ZNF716: variants seen among roughly 807,000 people sequenced by gnomAD.
ZNF716 encodes the protein zinc finger protein 716.
Under a neutral mutation model 13.4 loss-of-function variants are expected in ZNF716, and 9 were observed. That is an observed-to-expected ratio of 0.67 (90% CI 0.41 to 1.18). The LOEUF is 1.18. Among genes scored for constraint, ZNF716 ranks in the 50% most tolerant of loss-of-function variants. The pLI, the probability that ZNF716 is intolerant of heterozygous loss-of-function variation, is 0.01. For missense variants in ZNF716, 581 were observed against 576.6 expected (o/e 1.01, Z -0.08); for synonymous variants, 186 against 195.2 (o/e 0.95, Z 0.39).
chr7:57,468,749 C>T lies in ZNF716; in HGVS notation c.288C>T (p.Asp96=). 1 of 1,611,366 alleles carries T rather than the reference C, an allele frequency of 6.2e-7. No individual in the cohort carries two copies. ...HPVTCSHFTQ[D]LQSEQGIKDS... is the part of the protein sequence containing the mutation. ...TTACATGTTCTCATTTCACCCAAGA[C>T]CTTCAGTCAGAGCAGGGCATAAAAG... is the stretch of plus-strand genomic sequence containing the variant. The change falls in exon 4 of 4, where the codon GAC becomes GAT. Residue 96 remains aspartate (D), a synonymous_variant. Transcript: ENST00000420713.
Position 57,472,377 on chromosome 7 carries a change from C to T in ZNF716, c.*2428C>T, listed in dbSNP as rs1562681291. 6.6e-6 allele frequency: 1 copy of T among 152,142 alleles called. No homozygotes were observed. The highest frequency in any genetic ancestry group is 2.4e-5 in the African/African-American group (1 of 41,420). 9.4% of individuals were successfully genotyped at this position (152,142 alleles called of 1,614,324 possible). Reference sequence around the variant, plus strand: ...AGCTGCCATTGACTCTATCGTGTCTCATCTTAAGGTTCTGCGTAAAAGATG... The same window carrying T: ...AGCTGCCATTGACTCTATCGTGTCTTATCTTAAGGTTCTGCGTAAAAGATG... On this transcript the variant is annotated 3_prime_UTR_variant, in exon 4 of 4. Coordinates refer to ENST00000420713, the MANE Select transcript of ZNF716 (RefSeq NM_001159279.1).
intron 1 of ZNF716, among the ~76,000 whole-genome samples, chr7:57,452,709 T>G (rs1789518901): frequency 6.6e-6 from 1 of 152,038 alleles, no homozygotes; most frequent in Non-Finnish European, 1.5e-5. Context: ...TGCCTCTTCT[T>G]TTGTCTTCTC....
Position 57,469,239 on chromosome 7 carries a change from A to G in ZNF716, c.778A>G (p.Lys260Glu). ...CTGGTCTGCATCCCTTACTAAACAT[A>G]AGAGAATTCATACTGGAGAGAAACC... ...FSWSASLTKHKRIHTGEKPYT... is the reference protein window; with the variant it reads ...FSWSASLTKHERIHTGEKPYT... Residue 260 changes from lysine (K) to glutamate (E), a missense_variant, in exon 4 of 4, where the codon AAG (lysine) becomes GAG (glutamate). Transcript: ENST00000420713. The G allele has an allele frequency of 6.2e-7, 1 of 1,612,726 alleles. No individual in the cohort carries two copies. Among genetic ancestry groups the G allele is most frequent in the Non-Finnish European group, 8.5e-7 (1 of 1,179,356 alleles).
chr7:57,458,888 G>A (rs1163661362), intron 1 of ZNF716, among the ~76,000 whole-genome samples: 3 of 152,040 alleles, frequency 2.0e-5, no homozygotes, highest in African/African-American at 7.2e-5. Context: ...TTTTTAAATT[G>A]AGATCTTTCT....
intron 3 of ZNF716, among the ~76,000 whole-genome samples, chr7:57,467,217 G>T (rs1455734825): frequency 5.3e-5 from 8 of 151,646 alleles, no homozygotes; most frequent in Non-Finnish European, 1.0e-4. Flanking sequence ...TATGTTTTTT[G>T]ATTATTTTTA....
At chr7:57,457,347 ATTTTCT>A (rs1562675619) in intron 1 of ZNF716, among the ~76,000 whole-genome samples, 1 of 151,752 alleles carries the variant, frequency 6.6e-6, no homozygotes, top group African/African-American at 2.4e-5. Flanking sequence ...CCACCCATGA[ATTTTCT>A]TTTTATTTTG....
chr7:57,465,291 A>T (rs12535492), intron 3 of ZNF716, among the ~76,000 whole-genome samples: 58,353 of 151,912 alleles, frequency 0.38, 11,415 homozygotes, highest in East Asian at 0.51. Flanking sequence ...TTTGCCAGTT[A>T]TACTTTTTTT....
chr7:57,460,272 G>T (rs1410811194), intron 1 of ZNF716, among the ~76,000 whole-genome samples: 2 of 151,452 alleles, frequency 1.3e-5, no homozygotes, highest in African/African-American at 2.4e-5. Context: ...GCATGCACCT[G>T]TAGTCTCAGC....
At chr7:57,453,093 G>A (rs1471316109) in intron 1 of ZNF716, among the ~76,000 whole-genome samples, 6 of 152,106 alleles carry the variant, frequency 3.9e-5, no homozygotes, top group African/African-American at 7.2e-5. Context: ...AATCAGATGC[G>A]GGTATTGAGA....
In ZNF716 at chr7:57,469,944, G is replaced by T; in HGVS notation, c.1483G>T (p.Glu495Ter). The change falls in exon 4 of 4, where the codon GAA (glutamate) becomes TAA (stop). Residue 495 changes from glutamate (E) to a stop codon, truncating the protein, a stop_gained. Transcript: ENST00000420713. LOFTEE classifies it high-confidence loss of function. ...MHTGEKPYKY[E>*] ...TACTGGAGAGAAACCCTACAAATAT[G>T]AATAATGTGGTAAAGTCCAGCCCTC... The T allele has an allele frequency of 6.5e-7, 1 of 1,550,032 alleles. No individual in the cohort carries two copies. Among genetic ancestry groups the T allele is most frequent in the African/African-American group, 1.4e-5 (1 of 72,680 alleles).
At chr7:57,468,099 A>G (rs1348975912) in intron 3 of ZNF716, among the ~76,000 whole-genome samples, 2 of 152,094 alleles carry the variant, frequency 1.3e-5, no homozygotes, top group African/African-American at 4.8e-5. Flanking sequence ...GGAGTCTTTC[A>G]AACATGTTCT....
In ZNF716 at chr7:57,451,773, T is replaced by TC. The variant is rs1389101895; in HGVS notation, c.39+1446_39+1447insC. Among the ~76,000 whole-genome samples the TC allele has an allele frequency of 5.4e-5, 8 of 149,178 alleles. No homozygotes were observed. The East Asian group carries it at 1.2e-3, about 22-fold the overall frequency. Reference sequence around the variant, plus strand: ...TGCGTTTTTCAACTCTTTCTTTCTTTTTTTTTTTTTTGAGATGGAGTCTCA... The same window carrying TC: ...TGCGTTTTTCAACTCTTTCTTTCTTTCTTTTTTTTTTTGAGATGGAGTCTCA... On this transcript the variant is annotated intron_variant, in intron 1 of 3. Transcript: ENST00000420713.
Position 57,473,350 on chromosome 7 carries a change from C to A in ZNF716, c.*3401C>A, listed in dbSNP as rs1461389596. The A allele has an allele frequency of 1.3e-5, 2 of 152,074 alleles. No homozygotes were observed. The highest frequency in any genetic ancestry group is 4.8e-5 in the African/African-American group (2 of 41,482). 9.4% of individuals were successfully genotyped at this position (152,074 alleles called of 1,614,324 possible). A position where few individuals can be genotyped will look rare whatever the true frequency, so the allele number is the denominator to read the frequency against. Reference sequence around the variant, plus strand: ...CCTGGCCAACATGGTGAAACCCCATCTCTACTAAAAATACAAAAAATTAGC... The same window carrying A: ...CCTGGCCAACATGGTGAAACCCCATATCTACTAAAAATACAAAAAATTAGC... On this transcript the variant is annotated 3_prime_UTR_variant, in exon 4 of 4. Transcript: ENST00000420713.
At chr7:57,454,961 G>A (rs1789560609) in intron 1 of ZNF716, among the ~76,000 whole-genome samples, 1 of 151,996 alleles carries the variant, frequency 6.6e-6, no homozygotes. Flanking sequence ...AGGAGGCGGA[G>A]CTTGCAGTGA....
At position 57,468,858 on chromosome 7, in the gene ZNF716, G is replaced by A. The variant is rs782185591; in HGVS notation, c.397G>A (p.Gly133Ser). 3.7e-6 allele frequency: 6 copies of A among 1,613,516 alleles called. No individual in the cohort carries two copies. In the Admixed American group the frequency reaches 6.7e-5, roughly 18 times the overall value. Residue 133 changes from glycine to serine, a missense_variant, in exon 4 of 4, where the codon GGT becomes AGT. By Grantham distance (56) the Gly-to-Ser change is moderately conservative. Transcript: ENST00000420713. ...LQVKKCCKSV[G>S]ECEVHKGGYN... The stretch of plus-strand genomic sequence containing the variant: ...AGTAAAAAAATGCTGTAAAAGTGTA[G>A]GTGAGTGTGAGGTGCACAAAGGAGG...
chr7:57,460,189 G>A (rs1470814419), intron 1 of ZNF716, among the ~76,000 whole-genome samples: 2 of 151,898 alleles, frequency 1.3e-5, no homozygotes, highest in Non-Finnish European at 2.9e-5. Flanking sequence ...AGTTCGAGAC[G>A]AGCCTGACCA....
In ZNF716 at chr7:57,454,883, A is replaced by C. The variant is rs181746274; in HGVS notation, c.39+4556A>C. ...ACTAAAAAATACAGAAACATTAGCC[A>C]GGCGTGGTGGCAGGCACCTATAGTC... On this transcript the variant is annotated intron_variant, in intron 1 of 3. Coordinates refer to ENST00000420713, the MANE Select transcript of ZNF716 (RefSeq NM_001159279.1). Among the ~76,000 whole-genome samples the C allele has an allele frequency of 2.9e-4, 44 of 152,128 alleles. 2 individuals are homozygous for C. The highest frequency in any genetic ancestry group is 1.0e-3 in the African/African-American group (42 of 41,528).
chr7:57,456,043 C>A (rs1789582233), intron 1 of ZNF716, among the ~76,000 whole-genome samples: 1 of 151,934 alleles, frequency 6.6e-6, no homozygotes, highest in Non-Finnish European at 1.5e-5. Flanking sequence ...ACAACCTTCG[C>A]CTCCCAGGTT....
chr7:57,464,614 T>G (rs539704809), intron 3 of ZNF716, among the ~76,000 whole-genome samples: 94 of 152,312 alleles, frequency 6.2e-4, no homozygotes, highest in African/African-American at 2.2e-3. Context: ...TTTTCTGTTC[T>G]TCTCTTTGTT....
Sources: gnomAD v4.1 joint callset for allele counts (sites outside exome capture counted in the v4.1 genomes callset) on GRCh38, gnomAD v4.1.1 for gene constraint, MANE v1.5 for transcripts, NCBI Gene and HGNC (gene_info 2026-07-23, HGNC 2026-07-21) for gene names.